Variants in RBMS2 observed in about 807,000 individuals in gnomAD.
The protein encoded by RBMS2 is RNA-binding motif, single-stranded-interacting protein 2.
RBMS2 carries 38 observed loss-of-function variants against 58.4 expected under a neutral mutation model. The ratio of observed to expected loss-of-function variants is 0.65; its 90% CI spans 0.50 to 0.85. The LOEUF is 0.85. Ranked by LOEUF, RBMS2 falls within the 40% of genes least tolerant of loss-of-function variation. The pLI is 0.00. For synonymous variants in RBMS2, 151 were observed against 180.7 expected, an observed-to-expected ratio of 0.84 and a Z score of 1.32; for missense variants, 367 against 503.7, an observed-to-expected ratio of 0.73 and a Z score of 2.60.
rs1326388377 is a variant in RBMS2, at chr12:56,588,976, A to G, written c.1188A>G (p.Ser396=). 3 of 1,614,080 alleles carry G rather than the reference A, an allele frequency of 1.9e-6. No individual in the cohort carries two copies. The highest frequency in any genetic ancestry group is 1.6e-4 in the Middle Eastern group (1 of 6,082). Residue 396 remains serine, a synonymous_variant, in exon 13 of 14, where the codon TCA becomes TCG. Transcript: ENST00000262031. ...QQNQVAVDAP[S]EHGVYSFQFN... ...ACCAAGTGGCAGTGGACGCACCCTCAGAGCATGGGGTCTATTCTTTCCAGT... is the reference window on the plus strand; with the variant it reads ...ACCAAGTGGCAGTGGACGCACCCTCGGAGCATGGGGTCTATTCTTTCCAGT...
chr12:56,532,369 TC>T (rs1873908474), intron 1 of RBMS2, among the ~76,000 whole-genome samples: 1 of 151,686 alleles, frequency 6.6e-6, no homozygotes, highest in Admixed American at 6.6e-5. Flanking sequence ...ATGGTGAAAC[TC>T]CGTCTCTACT....
rs1206745747 is a variant in RBMS2, at chr12:56,592,326, C to T, written c.*3193C>T. The T allele has an allele frequency of 6.6e-6, 1 of 152,098 alleles. No homozygotes were observed. The highest frequency in any genetic ancestry group is 1.5e-5 in the Non-Finnish European group (1 of 68,024). The allele number at this position is 152,098 out of a possible 1,614,324, so 9.4% of individuals were successfully genotyped here. Reference sequence around the variant, plus strand: ...CAGTCAGCTAGAACACACTAGAGTCCTTTCCTCAGATGGCATAATCCTTTA... The same window carrying T: ...CAGTCAGCTAGAACACACTAGAGTCTTTTCCTCAGATGGCATAATCCTTTA... On this transcript the variant is annotated 3_prime_UTR_variant, in exon 14 of 14. Coordinates refer to ENST00000262031, the MANE Select transcript of RBMS2 (RefSeq NM_002898.4).
chr12:56,557,145 G>A (rs1191823459), intron 1 of RBMS2, among the ~76,000 whole-genome samples: 2 of 152,212 alleles, frequency 1.3e-5, no homozygotes, highest in East Asian at 1.9e-4. Context: ...TCCATGGTAG[G>A]GTTCTGGAGA....
chr12:56,583,382 G>A (rs1884240256), intron 9 of RBMS2, among the ~76,000 whole-genome samples: 1 of 152,046 alleles, frequency 6.6e-6, no homozygotes, highest in African/African-American at 2.4e-5. Flanking sequence ...TGCTGGGCAC[G>A]GTGGCTCATA....
At chr12:56,570,210 T>C (rs2136469494) in intron 4 of RBMS2, among the ~76,000 whole-genome samples, 1 of 152,196 alleles carries the variant, frequency 6.6e-6, no homozygotes. Flanking sequence ...TTTCACCAAG[T>C]TATTGGCAGC....
intron 1 of RBMS2, among the ~76,000 whole-genome samples, chr12:56,558,020 T>A (rs1879565572): frequency 7.6e-6 from 1 of 132,144 alleles, no homozygotes; most frequent in Non-Finnish European, 1.6e-5. Context: ...ATTACAGGCA[T>A]GAGCCACCTC....
At chr12:56,546,992 A>C (rs1877365292) in intron 1 of RBMS2, among the ~76,000 whole-genome samples, 2 of 152,090 alleles carry the variant, frequency 1.3e-5, no homozygotes, top group Admixed American at 1.3e-4. Context: ...CCATTCTAGT[A>C]GGTATAAAGT....
At chr12:56,548,872 G>C (rs2694914) in intron 1 of RBMS2, among the ~76,000 whole-genome samples, 143,660 of 152,192 alleles carry the variant, frequency 0.94, 68,184 homozygotes, top group East Asian at 1. Flanking sequence ...TGCTCTGGCA[G>C]TTCATAGTTA....
At chr12:56,585,913 T>TGGGA (rs1884599703) in intron 9 of RBMS2, among the ~76,000 whole-genome samples, 2 of 152,260 alleles carry the variant, frequency 1.3e-5, no homozygotes, top group Admixed American at 1.3e-4. Context: ...CCTTGCACTG[T>TGGGA]GGCTCATACC....
At chr12:56,557,187 C>A (rs112202490) in intron 1 of RBMS2, among the ~76,000 whole-genome samples, 12 of 152,082 alleles carry the variant, frequency 7.9e-5, no homozygotes, top group African/African-American at 2.9e-4. Context: ...TTCCCTTCTC[C>A]GGTAAGAATA....
intron 1 of RBMS2, among the ~76,000 whole-genome samples, chr12:56,545,730 C>T (rs1877044617): frequency 6.6e-6 from 1 of 152,142 alleles, no homozygotes; most frequent in African/African-American, 2.4e-5. Context: ...TGTTATTGGG[C>T]TTACTTCACA....
At chr12:56,538,219 G>A (rs1383604364) in intron 1 of RBMS2, among the ~76,000 whole-genome samples, 4 of 151,730 alleles carry the variant, frequency 2.6e-5, no homozygotes, top group African/African-American at 7.3e-5. Flanking sequence ...TTTTAGTAGA[G>A]ATGGGGTTTT....
Position 56,551,693 on chromosome 12 carries a change from A to C in RBMS2, c.67-10724A>C, listed in dbSNP as rs545517330. Among the ~76,000 whole-genome samples the C allele has an allele frequency of 1.6e-4, 24 of 152,266 alleles. No homozygotes were observed. In the South Asian group the frequency reaches 4.8e-3, roughly 30 times the overall value. On this transcript the variant is annotated intron_variant, in intron 1 of 13. Transcript: ENST00000262031. ...AAGGGAGTTCAGGAAAAGGTACAGA[A>C]ATTAATTTTAGACTTGCAGAATTTG...
At chr12:56,559,608 T>C (rs952716701) in intron 1 of RBMS2, among the ~76,000 whole-genome samples, 1 of 149,726 alleles carries the variant, frequency 6.7e-6, no homozygotes, top group Non-Finnish European at 1.5e-5. Flanking sequence ...TCCTAGCACT[T>C]TGGGAGGCCA....
intron 1 of RBMS2, among the ~76,000 whole-genome samples, chr12:56,534,191 C>T (rs1321105374): frequency 8.5e-6 from 1 of 118,176 alleles, no homozygotes; most frequent in African/African-American, 2.7e-5. Flanking sequence ...GTGGTTTATC[C>T]ATTTTTTCAT....
chr12:56,545,892 T>G (rs1877071844), intron 1 of RBMS2, among the ~76,000 whole-genome samples: 1 of 152,020 alleles, frequency 6.6e-6, no homozygotes, highest in African/African-American at 2.4e-5. Context: ...CTGTGAAATT[T>G]GTGTACAGGT....
At chr12:56,556,627 C>G (rs1259376824) in intron 1 of RBMS2, among the ~76,000 whole-genome samples, 1 of 152,108 alleles carries the variant, frequency 6.6e-6, no homozygotes, top group African/African-American at 2.4e-5. Context: ...CCACCCGCCT[C>G]AGCCTCCCAA....
intron 1 of RBMS2, among the ~76,000 whole-genome samples, chr12:56,542,206 C>T (rs1876219000): frequency 1.3e-5 from 2 of 150,418 alleles, no homozygotes; most frequent in Non-Finnish European, 3.0e-5. Context: ...CACATGCCAC[C>T]ATGCCCAGCT....
At chr12:56,578,220 C>T (rs1883426009) in intron 5 of RBMS2, among the ~76,000 whole-genome samples, 1 of 152,082 alleles carries the variant, frequency 6.6e-6, no homozygotes, top group South Asian at 2.1e-4. Context: ...ACTCCGCCTC[C>T]CGGGTTCAGG....
Sources: allele counts gnomAD v4.1 joint callset (sites outside exome capture counted in the v4.1 genomes callset), GRCh38; gene constraint gnomAD v4.1.1; transcripts MANE v1.5; gene names NCBI Gene and HGNC (gene_info 2026-07-23, HGNC 2026-07-21).